GNG2: variants seen among roughly 807,000 people sequenced by gnomAD.
The protein encoded by GNG2 is G protein subunit gamma 2.
In GNG2, 5 loss-of-function variants were observed where a neutral mutation model predicts 5.5. The observed-to-expected ratio is 0.91, with a 90% CI of 0.48 to 1.92. The LOEUF (loss-of-function observed/expected upper bound fraction) is 1.92. Ranked by LOEUF, GNG2 falls within the 30% of genes most tolerant of loss-of-function variation. The probability of loss-of-function intolerance (pLI) is 0.01; values close to 1 mark genes in which losing one functional copy is unlikely to be tolerated. For missense variants in GNG2, 55 were observed against 88.4 expected (o/e 0.62, Z 1.52); for synonymous variants, 28 against 32.0 (o/e 0.88, Z 0.42).
rs1212917564 is a variant in GNG2, at chr14:51,860,794, A to G, written c.-71+4A>G. ...GGACCAAGCCTCGGGAGCTAAGGTA[A>G]ATGAAACGTTTTCCATGTTGCTCGT... On this transcript the variant is annotated splice_donor_region_variant and intron_variant, in intron 1 of 3. Transcript: ENST00000556766. 1 of 152,196 alleles carries G rather than the reference A, an allele frequency of 6.6e-6. No homozygotes were observed. Among genetic ancestry groups the G allele is most frequent in the African/African-American group, 2.4e-5 (1 of 41,450 alleles). The allele number at this position is 152,196 out of a possible 1,614,324, so 9.4% of individuals were successfully genotyped here.
intron 2 of GNG2, chr14:51,841,478 A>G (rs1479418507): frequency 4.3e-6 from 3 of 700,696 alleles, no homozygotes; most frequent in Non-Finnish European, 7.8e-6. Flanking sequence ...CCTCTAAGGT[A>G]GATACTATTT....
At chr14:51,843,964 T>G (rs558799929) in intron 2 of GNG2, among the ~76,000 whole-genome samples, 1 of 152,230 alleles carries the variant, frequency 6.6e-6, no homozygotes, top group South Asian at 2.1e-4. Flanking sequence ...GTCACCACCT[T>G]GGTTTCCACC....
intron 2 of GNG2, among the ~76,000 whole-genome samples, chr14:51,919,275 ATCTTT>A (rs1266997867): frequency 1.3e-5 from 2 of 152,224 alleles, no homozygotes; most frequent in African/African-American, 2.4e-5. Context: ...TACTCAAAAA[ATCTTT>A]TCTTTGTGGA....
At chr14:51,874,816 A>G (rs573651269) in intron 1 of GNG2, among the ~76,000 whole-genome samples, 3 of 152,294 alleles carry the variant, frequency 2.0e-5, no homozygotes, top group African/African-American at 7.2e-5. Flanking sequence ...ATATGCCTCA[A>G]TCAGATTTTA....
intron 2 of GNG2, among the ~76,000 whole-genome samples, chr14:51,845,724 C>G (rs567393800): frequency 1.1e-3 from 173 of 152,240 alleles, no homozygotes; most frequent in South Asian, 2.9e-3. Context: ...GTAAATAAAC[C>G]TGGTCAATGT....
At chr14:51,918,864 G>A (rs1431069122) in intron 2 of GNG2, among the ~76,000 whole-genome samples, 2 of 152,004 alleles carry the variant, frequency 1.3e-5, no homozygotes, top group Non-Finnish European at 2.9e-5. Context: ...TGCTCTTGTC[G>A]CCCACGCTAG....
intron 1 of GNG2, among the ~76,000 whole-genome samples, chr14:51,876,553 C>G (rs1883679803): frequency 6.6e-6 from 1 of 152,084 alleles, no homozygotes; most frequent in Non-Finnish European, 1.5e-5. Flanking sequence ...CCTGTCCCAC[C>G]TAGTCTTTGT....
intron 2 of GNG2, among the ~76,000 whole-genome samples, chr14:51,883,355 T>G (rs1010382564): frequency 6.6e-6 from 1 of 152,238 alleles, no homozygotes; most frequent in Admixed American, 6.5e-5. Context: ...ACATCATTTT[T>G]AAAAAATACT....
At chr14:51,891,060 A>C (rs1393525589) in intron 2 of GNG2, among the ~76,000 whole-genome samples, 1 of 152,208 alleles carries the variant, frequency 6.6e-6, no homozygotes, top group South Asian at 2.1e-4. Context: ...TAAATGGCAG[A>C]TAAAGGCAAG....
chr14:51,903,622 G>A (rs779299384), intron 2 of GNG2, among the ~76,000 whole-genome samples: 3 of 152,134 alleles, frequency 2.0e-5, no homozygotes, highest in Admixed American at 6.5e-5. Context: ...AGACCTCTAC[G>A]ATTTCCAGTC....
intron 2 of GNG2, among the ~76,000 whole-genome samples, chr14:51,832,094 A>T (rs761067588): frequency 4.6e-4 from 70 of 152,040 alleles, no homozygotes; most frequent in Non-Finnish European, 8.8e-4. Flanking sequence ...AGCTTGGACA[A>T]CATGGCGAGA....
In GNG2 at chr14:51,880,985, A is replaced by G. The variant is rs1183905592; in HGVS notation, c.-30+3328A>G. ...AAAAAAAGAAAAAAAAAAAAAAAAA[A>G]AAACCCTGAGATTCAGAACTGAGAA... is the stretch of plus-strand genomic sequence containing the variant. On this transcript the variant is annotated intron_variant, in intron 2 of 3. Coordinates refer to ENST00000556766, the MANE Select transcript of GNG2 (RefSeq NM_053064.5). Among the ~76,000 whole-genome samples the G allele has an allele frequency of 3.3e-5, 5 of 151,210 alleles. No individual in the cohort carries two copies. In the East Asian group the frequency reaches 9.7e-4, roughly 29 times the overall value.
At chr14:51,924,055 C>T (rs1376977806) in intron 2 of GNG2, among the ~76,000 whole-genome samples, 2 of 152,194 alleles carry the variant, frequency 1.3e-5, no homozygotes, top group African/African-American at 2.4e-5. Context: ...TATTGATAGG[C>T]TTAAGCTATT....
At chr14:51,857,524 C>T (rs1264152042), upstream of GNG2, among the ~76,000 whole-genome samples, 3 of 152,188 alleles carry the variant, frequency 2.0e-5, no homozygotes, top group Admixed American at 6.5e-5. Flanking sequence ...AGGAAAGTGA[C>T]TTGATCAACT....
At chr14:51,858,497 C>G (rs984298038), upstream of GNG2, among the ~76,000 whole-genome samples, 9 of 152,052 alleles carry the variant, frequency 5.9e-5, no homozygotes, top group African/African-American at 1.9e-4. Flanking sequence ...AAATACCAAC[C>G]TATATAGGCT....
At position 51,968,701 on chromosome 14, in the gene GNG2, T is replaced by C. The variant is rs1403828084; in HGVS notation, c.*2014T>C. The C allele has an allele frequency of 2.6e-5, 4 of 152,222 alleles. No individual in the cohort carries two copies. Among genetic ancestry groups the C allele is most frequent in the Non-Finnish European group, 4.4e-5 (3 of 68,036 alleles). 9.4% of individuals were successfully genotyped at this position (152,222 alleles called of 1,614,324 possible). A position where few individuals can be genotyped will look rare whatever the true frequency, so the allele number is the denominator to read the frequency against. On this transcript the variant is annotated 3_prime_UTR_variant, in exon 4 of 4. Coordinates refer to ENST00000556766, the MANE Select transcript of GNG2 (RefSeq NM_053064.5). ...TTGTACAATTAGCTTAGTAACACTA[T>C]GGAATAAGCTAAAACATATCACAGT...
At chr14:51,907,272 T>A (rs558217678) in intron 2 of GNG2, among the ~76,000 whole-genome samples, 5 of 152,324 alleles carry the variant, frequency 3.3e-5, no homozygotes, top group African/African-American at 1.2e-4. Context: ...AAGTGCTGAT[T>A]CATTCAGACA....
intron 2 of GNG2, among the ~76,000 whole-genome samples, chr14:51,950,087 T>G (rs1888884965): frequency 6.6e-6 from 1 of 152,188 alleles, no homozygotes; most frequent in Non-Finnish European, 1.5e-5. Context: ...ATAAAAGAAA[T>G]CAGTTAATAA....
chr14:51,961,298 A>G (rs944409262), intron 3 of GNG2, among the ~76,000 whole-genome samples: 1 of 152,134 alleles, frequency 6.6e-6, no homozygotes, highest in African/African-American at 2.4e-5. Flanking sequence ...ATCTTTGTAT[A>G]TTTTGTTCCC....
Sources: allele counts gnomAD v4.1 joint callset (sites outside exome capture counted in the v4.1 genomes callset), GRCh38; gene constraint gnomAD v4.1.1; transcripts MANE v1.5; gene names NCBI Gene and HGNC (gene_info 2026-07-23, HGNC 2026-07-21).